GAS2: variants seen among roughly 807,000 people sequenced by gnomAD.
GAS2 encodes the protein growth arrest specific 2.
A neutral mutation model predicts 37.5 loss-of-function variants in GAS2; 20 were observed. The observed-to-expected ratio is 0.53, with a 90% CI of 0.37 to 0.77. GAS2 has a LOEUF of 0.77. GAS2 is among the 30% of genes least tolerant of loss of function. The pLI, the probability that GAS2 is intolerant of heterozygous loss-of-function variation, is 0.00. For synonymous variants in GAS2, 144 were observed against 132.2 expected (o/e 1.09, Z -0.61); for missense variants, 336 against 373.4 (o/e 0.90, Z 0.82).
intron 1 of GAS2, among the ~76,000 whole-genome samples, chr11:22,633,873 T>C (rs1858781548): frequency 6.6e-6 from 1 of 152,182 alleles, no homozygotes; most frequent in South Asian, 2.1e-4. Context: ...CATGTAAGTC[T>C]GCACCTGGAG....
In GAS2 at chr11:22,700,451, G is replaced by T. The variant is rs139946300; in HGVS notation, c.267+14662G>T. The stretch of plus-strand genomic sequence containing the variant: ...ATCTGACTTTTCCAGTCGTAAAGAC[G>T]GAAGATTTGAGAATTTTAGAATGGT... On this transcript the variant is annotated intron_variant, in intron 3 of 7. Transcript: ENST00000454584. Among the ~76,000 whole-genome samples the T allele has an allele frequency of 3.0e-3, 462 of 152,204 alleles. 1 individual carries two copies. Among genetic ancestry groups the T allele is most frequent in the African/African-American group, 0.01 (428 of 41,542 alleles).
intron 7 of GAS2, among the ~76,000 whole-genome samples, chr11:22,761,538 G>A (rs921794633): frequency 6.6e-6 from 1 of 152,030 alleles, no homozygotes; most frequent in Non-Finnish European, 1.5e-5. Context: ...CCCTAATATT[G>A]TACCTTAGGG....
intron 3 of GAS2, among the ~76,000 whole-genome samples, chr11:22,687,621 T>G (rs337469): frequency 0.93 from 140,900 of 152,230 alleles, 65,559 homozygotes; most frequent in Middle Eastern, 0.99. Context: ...TGTCATTATG[T>G]GTAGCCCAGG....
intron 1 of GAS2, among the ~76,000 whole-genome samples, chr11:22,631,027 G>A (rs1858738626): frequency 1.3e-5 from 2 of 152,136 alleles, no homozygotes; most frequent in African/African-American, 2.4e-5. Flanking sequence ...TTTCAGCAGT[G>A]TTTTGTAGTT....
chr11:22,635,687 G>A (rs908830290), intron 1 of GAS2, among the ~76,000 whole-genome samples: 1 of 152,184 alleles, frequency 6.6e-6, no homozygotes, highest in African/African-American at 2.4e-5. Flanking sequence ...ATTATATTGT[G>A]AATCTCCACT....
At chr11:22,663,542 GA>G (rs1377256563), upstream of GAS2, among the ~76,000 whole-genome samples, 3 of 151,990 alleles carry the variant, frequency 2.0e-5, no homozygotes, top group African/African-American at 7.2e-5. Flanking sequence ...CAATTTGCCA[GA>G]AAAAAATGAG....
intron 1 of GAS2, among the ~76,000 whole-genome samples, chr11:22,649,800 TTCTC>T (rs1434349998): frequency 6.6e-6 from 1 of 151,980 alleles, no homozygotes; most frequent in Non-Finnish European, 1.5e-5. Context: ...TATTTGATTC[TTCTC>T]TCTTTTTTTC....
chr11:22,746,351 G>A (rs974223410), intron 5 of GAS2, among the ~76,000 whole-genome samples: 9 of 152,038 alleles, frequency 5.9e-5, no homozygotes, highest in African/African-American at 2.2e-4. Flanking sequence ...CATCAATCGC[G>A]TTACTAGGTA....
At chr11:22,674,501 G>A (rs1121198) in intron 1 of GAS2, among the ~76,000 whole-genome samples, 94,913 of 151,882 alleles carry the variant, frequency 0.62, 30,839 homozygotes, top group East Asian at 0.83. Context: ...CCCAAACAAT[G>A]GGAGTTAACA....
intron 2 of GAS2, among the ~76,000 whole-genome samples, chr11:22,682,714 C>T (rs1054338389): frequency 6.6e-6 from 1 of 151,672 alleles, no homozygotes; most frequent in African/African-American, 2.4e-5. Flanking sequence ...CCTGTCTCTA[C>T]TAAAAATACC....
At chr11:22,776,465 A>G (rs1333926316) in intron 7 of GAS2, among the ~76,000 whole-genome samples, 2 of 152,196 alleles carry the variant, frequency 1.3e-5, no homozygotes, top group Non-Finnish European at 2.9e-5. Flanking sequence ...ATAGAACAGG[A>G]TAATATGGAA....
chr11:22,719,366 T>C (rs1280115599), intron 3 of GAS2, among the ~76,000 whole-genome samples: 3 of 152,064 alleles, frequency 2.0e-5, no homozygotes, highest in African/African-American at 4.8e-5. Context: ...TCCCTGACTT[T>C]ATGAGTTCAA....
At chr11:22,682,888 G>GAAA (rs57025584) in intron 2 of GAS2, among the ~76,000 whole-genome samples, 9 of 102,388 alleles carry the variant, frequency 8.8e-5, no homozygotes, top group African/African-American at 2.6e-4. Flanking sequence ...AAAAAAAAAG[G>GAAA]AAAAAAAAAA....
intron 3 of GAS2, among the ~76,000 whole-genome samples, chr11:22,696,818 A>G (rs1397127222): frequency 6.7e-6 from 1 of 149,920 alleles, no homozygotes; most frequent in Non-Finnish European, 1.5e-5. Flanking sequence ...AATTTGTTTG[A>G]GTTCATTGTA....
chr11:22,663,205 A>G (rs111605518), upstream of GAS2, among the ~76,000 whole-genome samples: 3,433 of 152,222 alleles, frequency 0.023, 111 homozygotes, highest in African/African-American at 0.079. Context: ...CCCATGATCC[A>G]GTCACCTCCC....
chr11:22,649,027 C>T (rs1201321907), intron 1 of GAS2, among the ~76,000 whole-genome samples: 13 of 152,174 alleles, frequency 8.5e-5, no homozygotes, highest in Admixed American at 8.5e-4. Flanking sequence ...AGTTTTTGCC[C>T]ATTCAGTATG....
At chr11:22,639,367 A>G (rs72976247) in intron 1 of GAS2, among the ~76,000 whole-genome samples, 3,945 of 152,260 alleles carry the variant, frequency 0.026, 71 homozygotes, top group Non-Finnish European at 0.039. Context: ...GCCTTCTGCC[A>G]TGTTTTGAAG....
Position 22,812,083 on chromosome 11 carries a change from T to C in GAS2, c.*67T>C, listed in dbSNP as rs1857205942. On this transcript the variant is annotated 3_prime_UTR_variant, in exon 8 of 8. Coordinates refer to ENST00000454584, the MANE Select transcript of GAS2 (RefSeq NM_001143830.3). ...ATCCACTTCTCCAGTATAGTCAGTT[T>C]AGTTCATATGTTCTGAAAACTGTTT... is the stretch of plus-strand genomic sequence containing the variant. The C allele has an allele frequency of 8.6e-7, 1 of 1,158,568 alleles. No homozygotes were observed. Among genetic ancestry groups the C allele is most frequent in the Non-Finnish European group, 1.3e-6 (1 of 777,008 alleles). 71.8% of individuals were successfully genotyped at this position (1,158,568 alleles called of 1,614,324 possible).
At position 22,810,809 on chromosome 11, in the gene GAS2, CAA is replaced by C. The variant is rs11334851; in HGVS notation, c.724-980_724-979del. 5.3e-5 allele frequency among the ~76,000 whole-genome samples: 8 copies of C among 151,310 alleles called. No homozygotes were observed. In the East Asian group the frequency reaches 5.8e-4, roughly 11 times the overall value. ...AAGTCATCTCCCACTGGCTGGGAGT[CAA>C]AAAAAAAAGTCTAGATCTCAAGCTG... is the stretch of plus-strand genomic sequence containing the variant. On this transcript the variant is annotated intron_variant, in intron 7 of 7. Transcript: ENST00000454584.
Sources: allele counts gnomAD v4.1 joint callset (sites outside exome capture counted in the v4.1 genomes callset), GRCh38; gene constraint gnomAD v4.1.1; transcripts MANE v1.5; gene names NCBI Gene and HGNC (gene_info 2026-07-23, HGNC 2026-07-21).